CLSTN2: variants seen among roughly 807,000 people sequenced by gnomAD.
CLSTN2 encodes the protein calsyntenin-2.
CLSTN2 carries 48 observed loss-of-function variants against 101.2 expected under a neutral mutation model. The ratio of observed to expected loss-of-function variants is 0.47; its 90% confidence interval spans 0.38 to 0.60. The LOEUF is 0.60. CLSTN2 is among the 20% of genes least tolerant of loss of function. The pLI is 0.00. For synonymous variants in CLSTN2, 481 were observed against 463.6 expected, an observed-to-expected ratio of 1.04 and a Z score of -0.48; for missense variants, 1,160 against 1,238.2, an observed-to-expected ratio of 0.94 and a Z score of 0.95.
intron 2 of CLSTN2, among the ~76,000 whole-genome samples, chr3:140,352,688 C>T: frequency 6.6e-6 from 1 of 152,220 alleles, no homozygotes; most frequent in East Asian, 1.9e-4. Flanking sequence ...CCCCTGTCAG[C>T]ATGTCCTGTG....
At chr3:140,524,556 A>C (rs1254079428) in intron 8 of CLSTN2, among the ~76,000 whole-genome samples, 2 of 152,184 alleles carry the variant, frequency 1.3e-5, no homozygotes, top group African/African-American at 4.8e-5. Flanking sequence ...CAAACAATAA[A>C]ATTCTGGCAT....
intron 2 of CLSTN2, among the ~76,000 whole-genome samples, chr3:140,221,905 T>C (rs2086277212): frequency 6.6e-6 from 1 of 151,906 alleles, no homozygotes; most frequent in African/African-American, 2.4e-5. Flanking sequence ...GGCAAACAGT[T>C]TGGAGGTTCC....
At chr3:140,402,704 C>T (rs1245430834) in intron 2 of CLSTN2, among the ~76,000 whole-genome samples, 1 of 152,168 alleles carries the variant, frequency 6.6e-6, no homozygotes, top group African/African-American at 2.4e-5. Context: ...ATTGTCAGAC[C>T]AGGGCTGGAG....
At chr3:140,444,808 G>A (rs1021905842) in intron 5 of CLSTN2, among the ~76,000 whole-genome samples, 5 of 152,202 alleles carry the variant, frequency 3.3e-5, no homozygotes, top group Non-Finnish European at 5.9e-5. Flanking sequence ...AGTGGTAAGC[G>A]TGGGATTTAA....
At chr3:140,414,271 T>G (rs1323721808) in intron 4 of CLSTN2, among the ~76,000 whole-genome samples, 1 of 151,986 alleles carries the variant, frequency 6.6e-6, no homozygotes, top group Non-Finnish European at 1.5e-5. Context: ...CCAAAAAAAT[T>G]TTTAAAAATG....
At chr3:140,283,032 A>T (rs1306346507) in intron 2 of CLSTN2, among the ~76,000 whole-genome samples, 1 of 152,120 alleles carries the variant, frequency 6.6e-6, no homozygotes, top group Non-Finnish European at 1.5e-5. Flanking sequence ...CTGCTCATGG[A>T]GCTGGGAATG....
chr3:139,941,330 T>C (rs541112339), intron 1 of CLSTN2, among the ~76,000 whole-genome samples: 1 of 152,194 alleles, frequency 6.6e-6, no homozygotes, highest in South Asian at 2.1e-4. Flanking sequence ...GGAGTATTGG[T>C]CAGAGGAGAA....
At position 139,955,112 on chromosome 3, in the gene CLSTN2, CTATA is replaced by C. The variant is rs58418059; in HGVS notation, c.109+19653_109+19656del. Among the ~76,000 whole-genome samples the C allele has an allele frequency of 4.5e-3, 322 of 71,518 alleles. 15 individuals are homozygous for C. The highest frequency in any genetic ancestry group is 0.032 in the East Asian group (59 of 1,832). The allele number at this position is 71,518 out of a possible 152,430, so 46.9% of individuals were successfully genotyped here. ...CATACATGTATATATGGCAATATTG[CTATA>C]TATATATATATATATATATATATGG... is the stretch of plus-strand genomic sequence containing the variant. On this transcript the variant is annotated intron_variant, in intron 1 of 16. Coordinates refer to ENST00000458420, the MANE Select transcript of CLSTN2 (RefSeq NM_022131.3).
chr3:140,056,776 T>C (rs768375024), intron 1 of CLSTN2, among the ~76,000 whole-genome samples: 1 of 152,194 alleles, frequency 6.6e-6, no homozygotes, highest in African/African-American at 2.4e-5. Flanking sequence ...AGTAACAAGA[T>C]ATTTGTGAAA....
intron 2 of CLSTN2, among the ~76,000 whole-genome samples, chr3:140,224,275 GACAGTAACGATAGA>G (rs534046238): frequency 6.6e-6 from 1 of 152,276 alleles, no homozygotes; most frequent in South Asian, 2.1e-4. Flanking sequence ...ATCTACAGAA[GACAGTAACGATAGA>G]ACTCAGTTCT....
intron 1 of CLSTN2, among the ~76,000 whole-genome samples, chr3:140,090,098 C>T (rs191476710): frequency 7.6e-6 from 1 of 131,642 alleles, no homozygotes; most frequent in African/African-American, 2.9e-5. Flanking sequence ...GCTGGAATGT[C>T]TCTGGATGGA....
At chr3:140,051,269 G>A (rs966130792) in intron 1 of CLSTN2, among the ~76,000 whole-genome samples, 2 of 152,224 alleles carry the variant, frequency 1.3e-5, no homozygotes, top group African/African-American at 4.8e-5. Flanking sequence ...TCAATCTTGT[G>A]GGATGTGTAA....
intron 1 of CLSTN2, among the ~76,000 whole-genome samples, chr3:140,058,936 A>G (rs1051485226): frequency 1.3e-5 from 2 of 152,290 alleles, no homozygotes; most frequent in Non-Finnish European, 1.5e-5. Context: ...GGGAGCAGAG[A>G]CAGAGAAGAC....
chr3:140,435,895 T>G (rs59951624), intron 5 of CLSTN2, among the ~76,000 whole-genome samples: 4,374 of 152,302 alleles, frequency 0.029, 203 homozygotes, highest in African/African-American at 0.098. Flanking sequence ...TTCAAATATT[T>G]TGCCTATCCT....
Position 140,564,053 on chromosome 3 carries a change from C to A in CLSTN2, c.2575C>A (p.His859Asn). ...GGGTGTGTACCGGGTCCGGATCGCC[C>A]ACCAGCACTTCATCCAGGAGACTGA... is the stretch of plus-strand genomic sequence containing the variant. ...AMGVYRVRIA[H>N]QHFIQETEAA... is the part of the protein sequence containing the mutation. The change falls in exon 16 of 17, where the codon CAC becomes AAC. Residue 859 changes from histidine (H) to asparagine (N), a missense_variant. By Grantham distance (68) the His-to-Asn change is moderately conservative. Transcript: ENST00000458420. The A allele has an allele frequency of 6.2e-7, 1 of 1,614,124 alleles. No homozygotes were observed. The highest frequency in any genetic ancestry group is 8.5e-7 in the Non-Finnish European group (1 of 1,180,024).
chr3:140,288,073 T>C (rs1046461326), intron 2 of CLSTN2, among the ~76,000 whole-genome samples: 1 of 146,206 alleles, frequency 6.8e-6, no homozygotes, highest in African/African-American at 2.5e-5. Context: ...ATTTCCTTCT[T>C]GATAGATGAC....
intron 2 of CLSTN2, among the ~76,000 whole-genome samples, chr3:140,370,396 G>C (rs1203586558): frequency 2.0e-5 from 3 of 152,182 alleles, no homozygotes; most frequent in African/African-American, 7.2e-5. Context: ...AGAGACCTAA[G>C]GTGGCTTTGT....
intron 1 of CLSTN2, among the ~76,000 whole-genome samples, chr3:139,962,687 G>T (rs978934891): frequency 6.6e-6 from 1 of 152,154 alleles, no homozygotes; most frequent in African/African-American, 2.4e-5. Context: ...CTTTTACTCA[G>T]TATAATCATT....
At chr3:140,554,481 A>G (rs1204156000) in intron 10 of CLSTN2, among the ~76,000 whole-genome samples, 1 of 152,254 alleles carries the variant, frequency 6.6e-6, no homozygotes, top group Non-Finnish European at 1.5e-5. Flanking sequence ...GTCATTTATC[A>G]GATTGGCAAA....
Sources: gnomAD v4.1 joint callset for allele counts (sites outside exome capture counted in the v4.1 genomes callset) on GRCh38, gnomAD v4.1.1 for gene constraint, MANE v1.5 for transcripts, NCBI Gene and HGNC (gene_info 2026-07-23, HGNC 2026-07-21) for gene names.